DNAH17: variants seen among roughly 807,000 people sequenced by gnomAD.
DNAH17 encodes the protein axonemal beta dynein heavy chain 17.
In DNAH17, 376 loss-of-function variants were observed where a neutral mutation model predicts 485.6. The ratio of observed to expected loss-of-function variants is 0.77; its 90% CI spans 0.71 to 0.84. The LOEUF (loss-of-function observed/expected upper bound fraction) is 0.84. Among genes scored for constraint, DNAH17 ranks in the 40% least tolerant of loss-of-function variants. The pLI, the probability that DNAH17 is intolerant of heterozygous loss-of-function variation, is 0.00. For synonymous variants in DNAH17, 3,031 were observed against 2,405.9 expected, an observed-to-expected ratio of 1.26 and a Z score of -7.60; for missense variants, 6,370 against 5,839.3, an observed-to-expected ratio of 1.09 and a Z score of -2.96.
chr17:78,428,139 TC>T (rs1319398538), intron 77 of DNAH17, among the ~76,000 whole-genome samples: 2 of 152,136 alleles, frequency 1.3e-5, no homozygotes, highest in Non-Finnish European at 2.9e-5. Flanking sequence ...TGCCTGCACA[TC>T]CGGCTGCCCG....
Position 78,434,169 on chromosome 17 carries a change from C to T in DNAH17, c.12085G>A (p.Ala4029Thr), listed in dbSNP as rs776740750. The T allele has an allele frequency of 3.0e-5, 49 of 1,613,334 alleles. No homozygotes were observed. Among genetic ancestry groups the T allele is most frequent in the Middle Eastern group, 1.6e-4 (1 of 6,082 alleles). ...ACCACAGCGTGGAAGTAGCACAGGG[C>T]GAAGAGCATGCACTTGAACTCCATC... ...KEMEFKCMLF[A>T]LCYFHAVVAE... The change falls in exon 75 of 81, where the codon GCC (alanine) becomes ACC (threonine). Residue 4029 changes from alanine to threonine, a missense_variant. By Grantham distance (58) the Ala-to-Thr change is moderately conservative (BLOSUM62 0). Coordinates refer to ENST00000389840, the MANE Select transcript of DNAH17 (RefSeq NM_173628.4).
chr17:78,512,366 A>G (rs1298197529), intron 26 of DNAH17, among the ~76,000 whole-genome samples: 1 of 152,034 alleles, frequency 6.6e-6, no homozygotes, highest in African/African-American at 2.4e-5. Flanking sequence ...ACACTCACTC[A>G]GAGCTTTTCC....
intron 68 of DNAH17, 37 bp from the exon 69 acceptor site, chr17:78,449,621 G>A: frequency 1.3e-6 from 2 of 1,568,270 alleles, no homozygotes; most frequent in South Asian, 1.2e-5. Context: ...GAGGCGTGCA[G>A]AGATGGAGCC....
At chr17:78,433,470 G>A (rs532993959) in intron 75 of DNAH17, among the ~76,000 whole-genome samples, 1 of 151,868 alleles carries the variant, frequency 6.6e-6, no homozygotes, top group African/African-American at 2.4e-5. Flanking sequence ...GAGGATGTGT[G>A]GCTTTCTACT....
At position 78,519,993 on chromosome 17, in the gene DNAH17, C is replaced by A. The variant is rs555016758; in HGVS notation, c.3865-4971G>T. Among the ~76,000 whole-genome samples the A allele has an allele frequency of 9.9e-5, 15 of 152,208 alleles. 1 individual carries two copies. The South Asian group carries it at 3.1e-3, about 32-fold the overall frequency. On this transcript the variant is annotated intron_variant, in intron 25 of 80. Coordinates refer to ENST00000389840, the MANE Select transcript of DNAH17 (RefSeq NM_173628.4). The stretch of plus-strand genomic sequence containing the variant: ...GGGTGTGGTGGTGGGCACCTGTAAT[C>A]CCAGCTACTCAGGAGGCTGAGGTGG...
At chr17:78,571,921 C>T in intron 3 of DNAH17, 139 bp from the exon 4 acceptor site, 1 of 779,350 alleles carries the variant, frequency 1.3e-6, no homozygotes, top group South Asian at 1.9e-5. Flanking sequence ...CTGGTGCCTC[C>T]AGCCACCTCG....
At chr17:78,448,639 A>G (rs1294370358) in intron 69 of DNAH17, among the ~76,000 whole-genome samples, 2 of 152,234 alleles carry the variant, frequency 1.3e-5, no homozygotes, top group African/African-American at 4.8e-5. Flanking sequence ...TTCCCCAAAA[A>G]GCATATGTTG....
rs1477553863 is a variant in DNAH17, at chr17:78,537,544, G to A, written c.2677-63C>T. 21 of 1,541,660 alleles carry A rather than the reference G, an allele frequency of 1.4e-5. No individual in the cohort carries two copies. In the East Asian group the frequency reaches 4.6e-4, roughly 34 times the overall value. Reference sequence around the variant, plus strand: ...TGTCCTCCATCGGATGATTCTCAGTGCCCTGATCATCCACTCCGTACCATC... The same window carrying A: ...TGTCCTCCATCGGATGATTCTCAGTACCCTGATCATCCACTCCGTACCATC... On this transcript the variant is annotated intron_variant, in intron 18 of 80. Coordinates refer to ENST00000389840, the MANE Select transcript of DNAH17 (RefSeq NM_173628.4).
At chr17:78,563,583 T>C (rs532022754) in intron 11 of DNAH17, among the ~76,000 whole-genome samples, 5 of 152,312 alleles carry the variant, frequency 3.3e-5, no homozygotes, top group African/African-American at 9.6e-5. Flanking sequence ...TATTTTTCTC[T>C]GTCTTCCCAT....
At chr17:78,564,866 G>A (rs371050024) in intron 11 of DNAH17, among the ~76,000 whole-genome samples, 2 of 152,084 alleles carry the variant, frequency 1.3e-5, no homozygotes, top group East Asian at 1.9e-4. Flanking sequence ...ACCAGCCTGG[G>A]GGCATTTGAG....
chr17:78,432,236 C>T (rs1340114285), intron 75 of DNAH17, among the ~76,000 whole-genome samples: 1 of 151,600 alleles, frequency 6.6e-6, no homozygotes, highest in African/African-American at 2.4e-5. Context: ...AAAATTCTAG[C>T]CAGACTGTTT....
At chr17:78,500,604 G>C in intron 35 of DNAH17, 143 bp from the exon 36 acceptor site, 1 of 753,514 alleles carries the variant, frequency 1.3e-6, no homozygotes, top group South Asian at 2.8e-5. Context: ...TGCCTCCTGG[G>C]TTCAAATGAT....
rs2086401352 is a variant in DNAH17, at chr17:78,425,443, G to C, written c.13044C>G (p.Asp4348Glu). The C allele has an allele frequency of 1.9e-6, 3 of 1,613,878 alleles. No individual in the cohort carries two copies. Among genetic ancestry groups the C allele is most frequent in the African/African-American group, 1.3e-5 (1 of 74,930 alleles). Residue 4348 changes from aspartate (D) to glutamate (E), a missense_variant, in exon 80 of 81, where the codon GAC becomes GAG. Physicochemically the swap from Asp to Glu is conservative, Grantham distance 45 (BLOSUM62 2). Transcript: ENST00000389840. ...SMARKNEWPL[D>E]KMCLSVEVTK... ...TCACCTCGACAGACAGACACATCTT[G>C]TCCAGGGGCCACTCGTTCTTCCTGG...
chr17:78,490,901 T>C, intron 43 of DNAH17, 54 bp from the exon 44 acceptor site: 1 of 1,517,502 alleles, frequency 6.6e-7, no homozygotes, highest in Non-Finnish European at 8.9e-7. Context: ...GCCATCCCAA[T>C]GGTGTTCTGG....
intron 70 of DNAH17, among the ~76,000 whole-genome samples, chr17:78,445,149 T>G (rs1269774490): frequency 6.7e-6 from 1 of 148,576 alleles, no homozygotes; most frequent in African/African-American, 2.6e-5. Context: ...GGTCCCTGAC[T>G]GTGTCCAGGA....
At chr17:78,428,457 T>C in intron 77 of DNAH17, 68 bp downstream of exon 77, 1 of 1,536,276 alleles carries the variant, frequency 6.5e-7, no homozygotes, top group Non-Finnish European at 8.8e-7. Context: ...CGCCAGTCCC[T>C]GTGACCCCCT....
chr17:78,465,137 GC>G (rs1164960741), intron 56 of DNAH17, among the ~76,000 whole-genome samples: 1 of 152,212 alleles, frequency 6.6e-6, no homozygotes, highest in African/African-American at 2.4e-5. Context: ...TCGCTGTGTT[GC>G]CCAGGCCAGT....
chr17:78,560,960 G>A (rs779557803), intron 12 of DNAH17, 25 bp from the exon 13 acceptor site: 24 of 1,538,712 alleles, frequency 1.6e-5, no homozygotes, highest in Middle Eastern at 1.7e-4. Flanking sequence ...GGAAGGCGAG[G>A]CCCCACTGGA....
intron 25 of DNAH17, among the ~76,000 whole-genome samples, chr17:78,517,950 A>G (rs1274080707): frequency 6.6e-6 from 1 of 152,246 alleles, no homozygotes; most frequent in Non-Finnish European, 1.5e-5. Context: ...GTTTCTACAC[A>G]CAAAAGTGAC....
Sources: gnomAD v4.1 joint callset for allele counts (sites outside exome capture counted in the v4.1 genomes callset) on GRCh38, gnomAD v4.1.1 for gene constraint, MANE v1.5 for transcripts, NCBI Gene and HGNC (gene_info 2026-07-23, HGNC 2026-07-21) for gene names.